GNB5: variants seen among roughly 807,000 people sequenced by gnomAD.
The protein encoded by GNB5 is G protein subunit beta 5.
A neutral mutation model predicts 55.3 loss-of-function variants in GNB5; 37 were observed. The ratio of observed to expected loss-of-function variants is 0.67; its 90% confidence interval spans 0.51 to 0.88. The LOEUF is 0.88. GNB5 is among the 40% of genes least tolerant of loss of function. The probability of loss-of-function intolerance (pLI) is 0.00; values close to 1 mark genes in which losing one functional copy is unlikely to be tolerated. For synonymous variants in GNB5, 219 were observed against 198.5 expected, an observed-to-expected ratio of 1.10 and a Z score of -0.87; for missense variants, 476 against 515.3, an observed-to-expected ratio of 0.92 and a Z score of 0.74.
At chr15:52,155,674 T>C (rs2141216855) in intron 3 of GNB5, among the ~76,000 whole-genome samples, 1 of 152,330 alleles carries the variant, frequency 6.6e-6, no homozygotes, top group Admixed American at 6.5e-5. Flanking sequence ...TCCAGTTATG[T>C]GGCTGCTTCT....
chr15:52,172,841 G>A (rs925728737), intron 3 of GNB5, among the ~76,000 whole-genome samples: 3 of 152,122 alleles, frequency 2.0e-5, no homozygotes, highest in Non-Finnish European at 1.5e-5. Context: ...GCGATAACAA[G>A]TTCCTTGCGT....
rs1461078720 is a variant in GNB5 at position 52,122,548 on chromosome 15, T to C, written c.*209A>G. The C allele has an allele frequency of 7.3e-6, 4 of 545,636 alleles. No individual in the cohort carries two copies. The highest frequency in any genetic ancestry group is 4.6e-4 in the Middle Eastern group (1 of 2,178). The allele number at this position is 545,636 out of a possible 1,614,324, so 33.8% of individuals were successfully genotyped here. A position where few individuals can be genotyped will look rare whatever the true frequency, so the allele number is the denominator to read the frequency against. ...AAAAGAAAAATACTGTACTTGAAGG[T>C]ATTCTCGCAGTGCTGAAGGCTCACA... is the stretch of plus-strand genomic sequence containing the variant. On this transcript the variant is annotated 3_prime_UTR_variant, in exon 13 of 13. Transcript: ENST00000261837.
At chr15:52,180,770 T>TGAAGTGTGAGAGGCACTGTTC (rs2034755949) in intron 2 of GNB5, 1 of 152,280 alleles carries the variant, frequency 6.6e-6, no homozygotes, top group African/African-American at 2.4e-5. Flanking sequence ...CGCAAGCGCC[T>TGAAGTGTGAGAGGCACTGTTC]GAAGTGTGAG....
At chr15:52,184,455 G>T in intron 2 of GNB5, 96 bp downstream of exon 2, 1 of 1,052,682 alleles carries the variant, frequency 9.5e-7, no homozygotes, top group Non-Finnish European at 1.4e-6. Flanking sequence ...AAAAGTGTGT[G>T]TTATATAAGC....
At chr15:52,128,550 G>A (rs1463323260) in intron 9 of GNB5, 3 of 587,906 alleles carry the variant, frequency 5.1e-6, no homozygotes, top group African/African-American at 3.7e-5. Context: ...CTAAGACTTG[G>A]CCCAGAGCTC....
At chr15:52,182,489 C>T (rs746215570) in intron 2 of GNB5, among the ~76,000 whole-genome samples, 2 of 152,200 alleles carry the variant, frequency 1.3e-5, no homozygotes, top group Non-Finnish European at 2.9e-5. Context: ...CCTGGAGAGT[C>T]AACTATCTAG....
intron 1 of GNB5, among the ~76,000 whole-genome samples, chr15:52,191,091 T>TA (rs890110962): frequency 6.6e-6 from 1 of 152,204 alleles, no homozygotes; most frequent in Non-Finnish European, 1.5e-5. Context: ...AATATTAATG[T>TA]AAAAAATATT....
At chr15:52,171,951 C>A (rs1323690322) in intron 3 of GNB5, among the ~76,000 whole-genome samples, 2 of 152,136 alleles carry the variant, frequency 1.3e-5, no homozygotes, top group African/African-American at 4.8e-5. Context: ...TTAGCATCTG[C>A]CTCAAGGACC....
intron 3 of GNB5, among the ~76,000 whole-genome samples, chr15:52,178,495 G>A (rs1159021517): frequency 6.6e-6 from 1 of 152,210 alleles, no homozygotes; most frequent in Non-Finnish European, 1.5e-5. Flanking sequence ...ACTGCTCTAA[G>A]GTGTGGAGAA....
intron 9 of GNB5, among the ~76,000 whole-genome samples, chr15:52,129,706 C>A (rs1460305727): frequency 6.6e-6 from 1 of 152,086 alleles, no homozygotes; most frequent in Non-Finnish European, 1.5e-5. Context: ...ACCTTTTGTG[C>A]CCCCAGTGTC....
intron 1 of GNB5, among the ~76,000 whole-genome samples, chr15:52,190,524 C>T (rs2034906769): frequency 6.6e-6 from 1 of 152,126 alleles, no homozygotes; most frequent in South Asian, 2.1e-4. Flanking sequence ...CATTAGTCAT[C>T]ATAGAAATAC....
At position 52,116,639 on chromosome 15, in the gene GNB5, C is replaced by G. The variant is rs1398875629; in HGVS notation, c.*6118G>C. On this transcript the variant is annotated 3_prime_UTR_variant, in exon 13 of 13. Coordinates refer to ENST00000261837, the MANE Select transcript of GNB5 (RefSeq NM_016194.4). ...TCACTAGTGTTTTAAAAAAACAAAC[C>G]ATGACAAATAGAGCTGGGGAGGCCA... The G allele has an allele frequency of 6.6e-6, 1 of 151,982 alleles. No homozygotes were observed. The highest frequency in any genetic ancestry group is 2.4e-5 in the African/African-American group (1 of 41,366). The allele number at this position is 151,982 out of a possible 1,614,324, so 9.4% of individuals were successfully genotyped here. A position where few individuals can be genotyped will look rare whatever the true frequency, so the allele number is the denominator to read the frequency against.
chr15:52,137,367 G>A (rs1288694281), intron 7 of GNB5: 8 of 1,039,274 alleles, frequency 7.7e-6, no homozygotes, highest in Admixed American at 1.0e-4. Context: ...AGTGAGAGCT[G>A]GCCAGGTGAA....
intron 3 of GNB5, among the ~76,000 whole-genome samples, chr15:52,161,025 G>A (rs148064366): frequency 4.6e-5 from 7 of 152,232 alleles, no homozygotes; most frequent in African/African-American, 1.4e-4. Flanking sequence ...ACCATTGATT[G>A]TGTGTCTCCT....
intron 7 of GNB5, chr15:52,139,458 A>AAAACAAAC (rs113288850): frequency 6.3e-5 from 10 of 157,522 alleles, no homozygotes; most frequent in African/African-American, 2.2e-4. Flanking sequence ...CCTGTCTCAA[A>AAAACAAAC]AAACAAACAA....
intron 9 of GNB5, among the ~76,000 whole-genome samples, chr15:52,131,995 C>A (rs751227826): frequency 6.6e-6 from 1 of 152,206 alleles, no homozygotes; most frequent in Non-Finnish European, 1.5e-5. Context: ...GCAAAGCCCA[C>A]CTCCTCCCGC....
chr15:52,163,026 C>G (rs2034368119), intron 3 of GNB5, among the ~76,000 whole-genome samples: 1 of 152,140 alleles, frequency 6.6e-6, no homozygotes, highest in Non-Finnish European at 1.5e-5. Context: ...GGGCGACTCA[C>G]AGAGAGCGAG....
chr15:52,140,875 AC>A (rs1476290901), intron 7 of GNB5, among the ~76,000 whole-genome samples: 2 of 151,928 alleles, frequency 1.3e-5, no homozygotes, highest in African/African-American at 4.8e-5. Context: ...TCCCTGCTCC[AC>A]TCCCACCCTC....
intron 1 of GNB5, among the ~76,000 whole-genome samples, chr15:52,184,928 G>GT (rs1012964814): frequency 4.6e-5 from 7 of 152,240 alleles, no homozygotes; most frequent in Non-Finnish European, 7.3e-5. Flanking sequence ...CGTTTAACCA[G>GT]TTTTTTGGCA....
Sources: gnomAD v4.1 joint callset for allele counts (sites outside exome capture counted in the v4.1 genomes callset) on GRCh38, gnomAD v4.1.1 for gene constraint, MANE v1.5 for transcripts, NCBI Gene and HGNC (gene_info 2026-07-23, HGNC 2026-07-21) for gene names.